SLC25A16: variants seen among roughly 807,000 people sequenced by gnomAD.
SLC25A16 encodes mitochondrial coenzyme A transporter SLC25A16.
Under a neutral mutation model 41.5 loss-of-function variants are expected in SLC25A16, and 39 were observed. That is an observed-to-expected ratio of 0.94 (90% CI 0.73 to 1.23). The LOEUF is 1.23. SLC25A16 is among the 50% of genes most tolerant of loss of function. The pLI, the probability that SLC25A16 is intolerant of heterozygous loss-of-function variation, is 0.00. For synonymous variants in SLC25A16, 146 were observed against 147.8 expected (o/e 0.99, Z 0.09); for missense variants, 421 against 426.9 (o/e 0.99, Z 0.12).
At chr10:68,509,319 A>G (rs2053014047) in intron 2 of SLC25A16, among the ~76,000 whole-genome samples, 1 of 152,022 alleles carries the variant, frequency 6.6e-6, no homozygotes, top group South Asian at 2.1e-4. Context: ...CCTGGGCAAC[A>G]AGAGTGAAAC....
chr10:68,504,667 C>G (rs868402907), intron 3 of SLC25A16, among the ~76,000 whole-genome samples: 1 of 150,926 alleles, frequency 6.6e-6, no homozygotes. Flanking sequence ...CATGAGCCAC[C>G]GCACCCGGCC....
intron 1 of SLC25A16, among the ~76,000 whole-genome samples, chr10:68,523,684 G>A (rs898189779): frequency 7.2e-5 from 11 of 151,968 alleles, no homozygotes; most frequent in Non-Finnish European, 1.5e-4. Flanking sequence ...CATGTTGGCC[G>A]GGATGGTCTT....
In SLC25A16 at chr10:68,516,879, T is replaced by C. The variant is rs764583164; in HGVS notation, c.131-36A>G. ...TTCAAAAGGTCAGGAAGAAATTGCG[T>C]ACCATTTCTTTCCAGATGGAAATCA... On this transcript the variant is annotated intron_variant, in intron 1 of 8. Coordinates refer to ENST00000609923, the MANE Select transcript of SLC25A16 (RefSeq NM_152707.4). 3 of 1,446,006 alleles carry C rather than the reference T, an allele frequency of 2.1e-6. No individual in the cohort carries two copies. The South Asian group carries it at 3.5e-5, about 17-fold the overall frequency. The allele number at this position is 1,446,006 out of a possible 1,614,324, so 89.6% of individuals were successfully genotyped here.
intron 2 of SLC25A16, among the ~76,000 whole-genome samples, chr10:68,509,780 TATAG>T (rs2053028831): frequency 1.3e-5 from 2 of 149,382 alleles, no homozygotes; most frequent in Admixed American, 6.7e-5. Flanking sequence ...TAGATAGATA[TATAG>T]ATAGATATAT....
Position 68,487,179 on chromosome 10 carries a change from T to C in SLC25A16, c.807A>G (p.Gln269=). The change falls in exon 8 of 9, where the codon CAA becomes CAG. Residue 269 remains glutamine, a synonymous_variant. Coordinates refer to ENST00000609923, the MANE Select transcript of SLC25A16 (RefSeq NM_152707.4). The stretch of plus-strand genomic sequence containing the variant: ...CAAATTCCGGCAGAACAGTTCCTAA[T>C]TGCATTCGCCGACGAGTCACATCAA... ...YPFDVTRRRM[Q]LGTVLPEFEK... is the part of the protein sequence containing the mutation. The C allele has an allele frequency of 1.2e-6, 2 of 1,613,664 alleles. No individual in the cohort carries two copies. Among genetic ancestry groups the C allele is most frequent in the Non-Finnish European group, 1.7e-6 (2 of 1,179,824 alleles).
Position 68,527,418 on chromosome 10 carries a change from G to T in SLC25A16, c.-43C>A. ...CAGGAGCCTAGGTTGCCAACTTACA[G>T]AACACCGGACGGGACCATAGCCGGA... is the stretch of plus-strand genomic sequence containing the variant. On this transcript the variant is annotated 5_prime_UTR_variant, in exon 1 of 9. The change creates a new upstream start codon in the 5' untranslated region. Coordinates refer to ENST00000609923, the MANE Select transcript of SLC25A16 (RefSeq NM_152707.4). 7.0e-7 allele frequency: 1 copy of T among 1,436,638 alleles called. No individual in the cohort carries two copies. The highest frequency in any genetic ancestry group is 9.0e-7 in the Non-Finnish European group (1 of 1,105,708). The allele number at this position is 1,436,638 out of a possible 1,614,324, so 89.0% of individuals were successfully genotyped here.
intron 4 of SLC25A16, 151 bp from the exon 5 acceptor site, chr10:68,493,721 A>T: frequency 3.0e-6 from 2 of 656,054 alleles, no homozygotes; most frequent in Non-Finnish European, 5.2e-6. Flanking sequence ...CCATATCATT[A>T]GATGGAAAAC....
intron 3 of SLC25A16, among the ~76,000 whole-genome samples, chr10:68,505,332 G>A (rs896803186): frequency 1.3e-5 from 2 of 151,156 alleles, no homozygotes; most frequent in East Asian, 2.0e-4. Context: ...CTAGGTGACA[G>A]AGAAACTATC....
intron 4 of SLC25A16, among the ~76,000 whole-genome samples, chr10:68,495,079 C>T (rs72797533): frequency 0.024 from 3,620 of 151,376 alleles, 77 homozygotes; most frequent in Middle Eastern, 0.037. Flanking sequence ...CCCAAAAGTT[C>T]GAGAACAGCC....
chr10:68,526,227 C>G (rs190288754), intron 1 of SLC25A16, among the ~76,000 whole-genome samples: 7,803 of 148,004 alleles, frequency 0.053, 303 homozygotes, highest in African/African-American at 0.094. Flanking sequence ...GCTCCATCTA[C>G]TGAGATAGGG....
chr10:68,484,912 A>G (rs993638593), intron 8 of SLC25A16, among the ~76,000 whole-genome samples: 2 of 152,152 alleles, frequency 1.3e-5, no homozygotes, highest in Admixed American at 6.6e-5. Flanking sequence ...CTAGCCACAT[A>G]TGGCTATTAA....
At chr10:68,485,188 C>T (rs1160358329) in intron 8 of SLC25A16, among the ~76,000 whole-genome samples, 1 of 152,110 alleles carries the variant, frequency 6.6e-6, no homozygotes, top group African/African-American at 2.4e-5. Context: ...CTCCTGGGCT[C>T]AAGTGATTCT....
intron 1 of SLC25A16, among the ~76,000 whole-genome samples, chr10:68,519,506 T>C (rs931178035): frequency 1.3e-5 from 2 of 149,278 alleles, no homozygotes; most frequent in Admixed American, 6.7e-5. Flanking sequence ...AAAAAGTAAA[T>C]CATAATCATA....
chr10:68,492,283 T>C lies in SLC25A16; in HGVS notation c.610+849A>G, dbSNP rs183541021. Among the ~76,000 whole-genome samples, 268 of 152,284 alleles carry C rather than the reference T, an allele frequency of 1.8e-3. 2 individuals are homozygous for C. Among genetic ancestry groups the C allele is most frequent in the African/African-American group, 5.4e-3 (226 of 41,564 alleles). ...TCTGCTTTCTTCAACCCTTCCTCTA[T>C]ATAAAATCAACTCCTTCGGGTCTAG... On this transcript the variant is annotated intron_variant, in intron 6 of 8. Transcript: ENST00000609923.
At chr10:68,497,959 T>C (rs1325021453) in intron 4 of SLC25A16, among the ~76,000 whole-genome samples, 1 of 152,118 alleles carries the variant, frequency 6.6e-6, no homozygotes, top group East Asian at 1.9e-4. Flanking sequence ...CAGGCTAGTC[T>C]TGAATTCCTG....
intron 6 of SLC25A16, among the ~76,000 whole-genome samples, chr10:68,489,440 A>C (rs2052620188): frequency 6.6e-6 from 1 of 152,164 alleles, no homozygotes; most frequent in Admixed American, 6.6e-5. Flanking sequence ...AACACGTAGA[A>C]TCTGATAAAA....
intron 6 of SLC25A16, among the ~76,000 whole-genome samples, chr10:68,491,875 C>T (rs1354881766): frequency 3.9e-5 from 6 of 152,132 alleles, no homozygotes. Flanking sequence ...TTCGCCCAGG[C>T]TGGAGTGCAG....
At chr10:68,519,046 G>A (rs1444155566) in intron 1 of SLC25A16, among the ~76,000 whole-genome samples, 1 of 151,448 alleles carries the variant, frequency 6.6e-6, no homozygotes, top group African/African-American at 2.4e-5. Flanking sequence ...TACAAAATTA[G>A]CTGGGTGTGA....
chr10:68,511,596 A>G (rs956084442), intron 2 of SLC25A16, among the ~76,000 whole-genome samples: 7 of 152,230 alleles, frequency 4.6e-5, no homozygotes, highest in Non-Finnish European at 4.4e-5. Flanking sequence ...ACACTGGGTA[A>G]TATCATTCTT....
Sources: gnomAD v4.1 joint callset for allele counts (sites outside exome capture counted in the v4.1 genomes callset) on GRCh38, gnomAD v4.1.1 for gene constraint, MANE v1.5 for transcripts, NCBI Gene and HGNC (gene_info 2026-07-23, HGNC 2026-07-21) for gene names.